FNDC11: variants seen among roughly 807,000 people sequenced by gnomAD.
The protein encoded by FNDC11 is fibronectin type III domain containing 11, also known as fibronectin type III domain-containing protein 11.
In FNDC11, 15 loss-of-function variants were observed where a neutral mutation model predicts 15.8. The ratio of observed to expected loss-of-function variants is 0.95; its 90% confidence interval spans 0.63 to 1.46. FNDC11 has a LOEUF of 1.46. FNDC11 is among the 40% of genes most tolerant of loss of function. FNDC11 has a pLI of 0.00. For synonymous variants in FNDC11, 190 were observed against 203.1 expected (o/e 0.94, Z 0.55); for missense variants, 416 against 443.4 (o/e 0.94, Z 0.55).
In FNDC11 at chr20:63,556,687, G is replaced by A; in HGVS notation, c.*67G>A. The A allele has an allele frequency of 1.4e-6, 2 of 1,428,534 alleles. No homozygotes were observed. Among genetic ancestry groups the A allele is most frequent in the Non-Finnish European group, 1.9e-6 (2 of 1,042,344 alleles). 88.5% of individuals were successfully genotyped at this position (1,428,534 alleles called of 1,614,324 possible). On this transcript the variant is annotated 3_prime_UTR_variant, in exon 2 of 2. Coordinates refer to ENST00000370097, the MANE Select transcript of FNDC11 (RefSeq NM_001319152.2). ...TAAATGCACATATGGAATTAAAGAA[G>A]CAAACCTATTTATGTTTTAAAGGCA...
At chr20:63,554,694 C>T (rs956473267) in intron 1 of FNDC11, 2 of 152,286 alleles carry the variant, frequency 1.3e-5, no homozygotes, top group Non-Finnish European at 2.9e-5. Flanking sequence ...TGCCTCACGC[C>T]CAAAAGGGCA....
At position 63,556,416 on chromosome 20, in the gene FNDC11, A is replaced by G. The variant is rs1191785444; in HGVS notation, c.753A>G (p.Thr251=). ...GCTTCAGGCTGCTGGACCCGCGGAC[A>G]CAGCAGGAGTGCGCCCAGTGTGGCG... ...ELRFRLLDPR[T]QQECAQCGVI... is the part of the protein sequence containing the mutation. Residue 251 remains threonine (T), a synonymous_variant, in exon 2 of 2, where the codon ACA becomes ACG. Transcript: ENST00000370097. 2.5e-6 allele frequency: 4 copies of G among 1,613,258 alleles called. No individual in the cohort carries two copies. The highest frequency in any genetic ancestry group is 4.5e-5 in the East Asian group (2 of 44,886).
Position 63,556,060 on chromosome 20 carries a change from C to G in FNDC11, c.397C>G (p.Leu133Val). 6.3e-7 allele frequency: 1 copy of G among 1,599,966 alleles called. No homozygotes were observed. Among genetic ancestry groups the G allele is most frequent in the South Asian group, 1.1e-5 (1 of 91,082 alleles). Residue 133 changes from leucine to valine, a missense_variant, in exon 2 of 2, where the codon CTC becomes GTC. Physicochemically the swap from Leu to Val is conservative, Grantham distance 32. Coordinates refer to ENST00000370097, the MANE Select transcript of FNDC11 (RefSeq NM_001319152.2). Reference sequence around the variant, plus strand: ...GCTGCTCGGGGACCTGTTGGAACAGCTCGACCATGGCCGTGCTGAGCTGGA... The same window carrying G: ...GCTGCTCGGGGACCTGTTGGAACAGGTCGACCATGGCCGTGCTGAGCTGGA... Reference protein sequence around the residue: ...LLLLGDLLEQLDHGRAELDAL... With the variant: ...LLLLGDLLEQVDHGRAELDAL...
rs2082801873 is a variant in FNDC11 at position 63,555,766 on chromosome 20, C to T, written c.103C>T (p.Pro35Ser). 1 of 1,613,352 alleles carries T rather than the reference C, an allele frequency of 6.2e-7. No homozygotes were observed. Among genetic ancestry groups the T allele is most frequent in the Admixed American group, 1.7e-5 (1 of 60,028 alleles). ...GGCAGATGACCAGCAGCTGCTGGAA[C>T]CAGAGGCGTGGAAGACCTACACCGA... is the stretch of plus-strand genomic sequence containing the variant. ...EEADDQQLLE[P>S]EAWKTYTERR... The change falls in exon 2 of 2, where the codon CCA becomes TCA. Residue 35 changes from proline (P) to serine (S), a missense_variant. Coordinates refer to ENST00000370097, the MANE Select transcript of FNDC11 (RefSeq NM_001319152.2).
At chr20:63,554,877 G>A (rs2082793684) in intron 1 of FNDC11, 1 of 152,318 alleles carries the variant, frequency 6.6e-6, no homozygotes, top group Admixed American at 6.5e-5. Flanking sequence ...TGCTCTCCAG[G>A]GAGCTGCGGC....
rs751973793 is a variant in FNDC11, at chr20:63,555,938, C to T, written c.275C>T (p.Pro92Leu). ...PKHLALGDQN[P>L]LVLPSALFQL... ...CACCTGGCCCTGGGCGACCAGAACC[C>T]GCTGGTGCTGCCTAGCGCCTTGTTC... The change falls in exon 2 of 2, where the codon CCG becomes CTG. Residue 92 changes from proline to leucine, a missense_variant. By Grantham distance (98) the Pro-to-Leu change is moderately conservative. Transcript: ENST00000370097. 12 of 1,604,534 alleles carry T rather than the reference C, an allele frequency of 7.5e-6. No homozygotes were observed. Among genetic ancestry groups the T allele is most frequent in the Middle Eastern group, 1.6e-4 (1 of 6,084 alleles).
Position 63,556,587 on chromosome 20 carries a change from C to T in FNDC11, c.924C>T (p.Pro308=), listed in dbSNP as rs2082817595. The change falls in exon 2 of 2, where the codon CCC becomes CCT. Residue 308 remains proline, a synonymous_variant. Transcript: ENST00000370097. ...TCACCCTGCACACCAAGCCGGAGCC[C>T]CTGGAGGGGCCCGCCCTCAGCCACT... ...DSLTLHTKPE[P]LEGPALSHSV The T allele has an allele frequency of 8.7e-6, 14 of 1,612,958 alleles. No homozygotes were observed. The highest frequency in any genetic ancestry group is 1.2e-5 in the Non-Finnish European group (14 of 1,179,838).
At chr20:63,554,070 G>C (rs2082784099), upstream of FNDC11, 1 of 152,108 alleles carries the variant, frequency 6.6e-6, no homozygotes, top group Non-Finnish European at 1.5e-5. Context: ...TACTCGGCTC[G>C]GGGTCCCGGG....
chr20:63,553,955 C>T (rs1008466755), upstream of FNDC11: 12 of 152,246 alleles, frequency 7.9e-5, no homozygotes, highest in Non-Finnish European at 1.8e-4. Context: ...CGGGAACCCC[C>T]CTTGGAGCCT....
In FNDC11 at chr20:63,555,739, G is replaced by A. The variant is rs745472289; in HGVS notation, c.76G>A (p.Glu26Lys). ...GNPQSFLDQE[E>K]ADDQQLLEPE... ...TCCCCAGTCCTTCCTGGACCAGGAG[G>A]AGGCAGATGACCAGCAGCTGCTGGA... Residue 26 changes from glutamate (E) to lysine (K), a missense_variant, in exon 2 of 2, where the codon GAG (glutamate) becomes AAG (lysine). Physicochemically the swap from Glu to Lys is moderately conservative, Grantham distance 56. Transcript: ENST00000370097. 6.2e-7 allele frequency: 1 copy of A among 1,613,328 alleles called. No individual in the cohort carries two copies. The highest frequency in any genetic ancestry group is 1.3e-5 in the African/African-American group (1 of 75,072).
In FNDC11 at chr20:63,556,282, A is replaced by C; in HGVS notation, c.619A>C (p.Lys207Gln). ...GCACATCTGGCTCATGCTGAGCACC[A>C]AGATGCCTGTCGTGTTTGACCGAAA... ...IPHIWLMLST[K>Q]MPVVFDRKAS... The change falls in exon 2 of 2, where the codon AAG becomes CAG. Residue 207 changes from lysine to glutamine, a missense_variant. Physicochemically the swap from Lys to Gln is moderately conservative, Grantham distance 53. Transcript: ENST00000370097. The C allele has an allele frequency of 6.2e-7, 1 of 1,601,456 alleles. No individual in the cohort carries two copies. Among genetic ancestry groups the C allele is most frequent in the South Asian group, 1.1e-5 (1 of 90,662 alleles).
upstream of FNDC11, among the ~76,000 whole-genome samples, chr20:63,553,536 A>G (rs1439621296): frequency 8.1e-4 from 15 of 18,618 alleles, no homozygotes; most frequent in South Asian, 2.5e-3. Context: ...CTGTGGTGGG[A>G]GGGGCCGTGG....
At chr20:63,555,019 T>G (rs1176589206) in intron 1 of FNDC11, 2 of 152,360 alleles carry the variant, frequency 1.3e-5, no homozygotes, top group African/African-American at 4.8e-5. Context: ...ATCTGGGAAA[T>G]GGAGTGTCAC....
chr20:63,556,491 C>G lies in FNDC11; in HGVS notation c.828C>G (p.Asn276Lys). ...CTFDVRNLLP[N>K]RSYKFTIKRA... ...TCGACGTCCGAAACCTGCTGCCCAA[C>G]CGATCCTATAAGTTCACCATCAAGA... The change falls in exon 2 of 2, where the codon AAC becomes AAG. Residue 276 changes from asparagine to lysine, a missense_variant. Asn to Lys is a moderately conservative substitution (Grantham distance 94, BLOSUM62 0). Coordinates refer to ENST00000370097, the MANE Select transcript of FNDC11 (RefSeq NM_001319152.2). 2.5e-6 allele frequency: 4 copies of G among 1,613,746 alleles called. No homozygotes were observed. The highest frequency in any genetic ancestry group is 3.4e-6 in the Non-Finnish European group (4 of 1,180,024).
At chr20:63,555,377 A>T in intron 1 of FNDC11, 1 of 429,770 alleles carries the variant, frequency 2.3e-6, no homozygotes. Flanking sequence ...GCCACAGGTC[A>T]GGCGGTTCTG....
At position 63,556,561 on chromosome 20, in the gene FNDC11, C is replaced by T. The variant is rs760804253; in HGVS notation, c.898C>T (p.Leu300Phe). 3.7e-6 allele frequency: 6 copies of T among 1,613,308 alleles called. No homozygotes were observed. The highest frequency in any genetic ancestry group is 1.6e-4 in the Middle Eastern group (1 of 6,084). ...GGTGTACGAGCCCTGGAGGGACAGCCTCACCCTGCACACCAAGCCGGAGCC... is the reference window on the plus strand; with the variant it reads ...GGTGTACGAGCCCTGGAGGGACAGCTTCACCCTGCACACCAAGCCGGAGCC... The part of the protein sequence containing the change: ...TLVYEPWRDS[L>F]TLHTKPEPLE... The change falls in exon 2 of 2, where the codon CTC becomes TTC. Residue 300 changes from leucine (L) to phenylalanine (F), a missense_variant. By Grantham distance (22) the Leu-to-Phe change is conservative (BLOSUM62 0). Coordinates refer to ENST00000370097, the MANE Select transcript of FNDC11 (RefSeq NM_001319152.2).
In FNDC11 at chr20:63,556,527, C is replaced by A; in HGVS notation, c.864C>A (p.Thr288=). The change falls in exon 2 of 2, where the codon ACC becomes ACA. Residue 288 remains threonine (T), a synonymous_variant. Coordinates refer to ENST00000370097, the MANE Select transcript of FNDC11 (RefSeq NM_001319152.2). The part of the protein sequence containing the change: ...SYKFTIKRAE[T]STLVYEPWRD... Reference sequence around the variant, plus strand: ...AGTTCACCATCAAGAGGGCCGAGACCTCCACGCTGGTGTACGAGCCCTGGA... The same window carrying A: ...AGTTCACCATCAAGAGGGCCGAGACATCCACGCTGGTGTACGAGCCCTGGA... 1 of 1,613,656 alleles carries A rather than the reference C, an allele frequency of 6.2e-7. No individual in the cohort carries two copies. The highest frequency in any genetic ancestry group is 1.1e-5 in the South Asian group (1 of 91,084).
At chr20:63,554,679 A>G (rs1421515353) in intron 1 of FNDC11, 2 of 152,262 alleles carry the variant, frequency 1.3e-5, no homozygotes, top group South Asian at 2.1e-4. Flanking sequence ...TCGTGAAGTC[A>G]TATCTGCCTC....
chr20:63,556,434 G>A lies in FNDC11; in HGVS notation c.771G>A (p.Gln257=), dbSNP rs2082814744. Residue 257 remains glutamine (Q), a synonymous_variant, in exon 2 of 2, where the codon CAG becomes CAA. Coordinates refer to ENST00000370097, the MANE Select transcript of FNDC11 (RefSeq NM_001319152.2). ...LDPRTQQECA[Q]CGVIPVAACT... is the part of the protein sequence containing the mutation. ...CGCGGACACAGCAGGAGTGCGCCCA[G>A]TGTGGCGTCATCCCCGTGGCTGCCT... The A allele has an allele frequency of 1.2e-6, 2 of 1,613,292 alleles. No homozygotes were observed. The highest frequency in any genetic ancestry group is 1.3e-5 in the African/African-American group (1 of 74,932).
Sources: gnomAD v4.1 joint callset for allele counts (sites outside exome capture counted in the v4.1 genomes callset) on GRCh38, gnomAD v4.1.1 for gene constraint, MANE v1.5 for transcripts, NCBI Gene and HGNC (gene_info 2026-07-23, HGNC 2026-07-21) for gene names.